The following NUP210 variants were observed in gnomAD, a reference collection of about 807,000 sequenced individuals.
NUP210 encodes nucleoporin 210.
A neutral mutation model predicts 196.0 loss-of-function variants in NUP210; 151 were observed. The observed-to-expected ratio is 0.77, with a 90% CI of 0.67 to 0.88. The LOEUF is 0.88. Among genes scored for constraint, NUP210 ranks in the 40% least tolerant of loss-of-function variants. The probability of loss-of-function intolerance (pLI) is 0.00; values close to 1 mark genes in which losing one functional copy is unlikely to be tolerated. For missense variants in NUP210, 2,314 were observed against 2,493.7 expected (o/e 0.93, Z 1.53); for synonymous variants, 1,070 against 1,052.7 (o/e 1.02, Z -0.32).
At chr3:13,339,214 G>A (rs1054560599) in intron 25 of NUP210, among the ~76,000 whole-genome samples, 2 of 152,220 alleles carry the variant, frequency 1.3e-5, no homozygotes, top group Non-Finnish European at 2.9e-5. Flanking sequence ...CTAGGGCGGT[G>A]CACTTGCCAG....
intron 1 of NUP210, among the ~76,000 whole-genome samples, chr3:13,417,914 T>TG (rs888527926): frequency 7.9e-5 from 12 of 152,078 alleles, no homozygotes; most frequent in Non-Finnish European, 1.6e-4. Flanking sequence ...AAAATGATGT[T>TG]GGGGGGGAAA....
At chr3:13,389,559 G>T (rs1410212176) in intron 4 of NUP210, among the ~76,000 whole-genome samples, 7 of 152,162 alleles carry the variant, frequency 4.6e-5, no homozygotes, top group Admixed American at 3.9e-4. Context: ...CATGGTCATT[G>T]TTTTACAAAA....
chr3:13,375,397 C>G, intron 11 of NUP210, 107 bp downstream of exon 11: 1 of 1,073,060 alleles, frequency 9.3e-7, no homozygotes. Context: ...ATTTAAAATT[C>G]TCCACAACCA....
At chr3:13,380,253 G>C (rs948034968) in intron 6 of NUP210, among the ~76,000 whole-genome samples, 1 of 152,200 alleles carries the variant, frequency 6.6e-6, no homozygotes, top group Non-Finnish European at 1.5e-5. Flanking sequence ...GGATGGAGAA[G>C]AGTTTCCCCG....
intron 1 of NUP210, among the ~76,000 whole-genome samples, chr3:13,418,903 C>T (rs1275921236): frequency 7.3e-6 from 1 of 137,910 alleles, no homozygotes; most frequent in East Asian, 2.2e-4. Flanking sequence ...GAGCCGAAAT[C>T]GCACCACTGC....
At chr3:13,322,472 C>T (rs868600759) in intron 34 of NUP210, 133 bp from the exon 35 acceptor site, 6 of 943,132 alleles carry the variant, frequency 6.4e-6, no homozygotes, top group Admixed American at 2.5e-5. Flanking sequence ...GGCCCCAGGG[C>T]GGCTCAAAGC....
chr3:13,319,772 G>A lies in NUP210; in HGVS notation c.5374C>T (p.Pro1792Ser), dbSNP rs1486634974. 1 of 1,614,006 alleles carries A rather than the reference G, an allele frequency of 6.2e-7. No individual in the cohort carries two copies. Among genetic ancestry groups the A allele is most frequent in the Non-Finnish European group, 8.5e-7 (1 of 1,179,888 alleles). The change falls in exon 37 of 40, where the codon CCC becomes TCC. Residue 1792 changes from proline (P) to serine (S), a missense_variant. By Grantham distance (74) the Pro-to-Ser change is moderately conservative. Coordinates refer to ENST00000254508, the MANE Select transcript of NUP210 (RefSeq NM_024923.4). ...TCGTTCCGTGACTCACAAGGACCGG[G>A]CCCACGGCGATCCACCACAAAAGCC... Reference protein sequence around the residue: ...TVAFVVDRRGPGPYGASLFQH... With the variant: ...TVAFVVDRRGSGPYGASLFQH...
intron 4 of NUP210, among the ~76,000 whole-genome samples, chr3:13,390,282 T>C (rs1388531146): frequency 6.6e-6 from 1 of 152,172 alleles, no homozygotes; most frequent in Non-Finnish European, 1.5e-5. Flanking sequence ...TGGACTAAAC[T>C]GGCAGATTTT....
chr3:13,340,190 T>C lies in NUP210; in HGVS notation c.3291+46A>G. The C allele has an allele frequency of 1.9e-6, 3 of 1,610,436 alleles. No individual in the cohort carries two copies. The highest frequency in any genetic ancestry group is 2.5e-6 in the Non-Finnish European group (3 of 1,177,726). On this transcript the variant is annotated intron_variant, in intron 24 of 39. Coordinates refer to ENST00000254508, the MANE Select transcript of NUP210 (RefSeq NM_024923.4). The surrounding 1 kb of genome is among the most constrained non-coding windows in gnomAD (Gnocchi z 4.0). ...AGGCGGCGTGCCTGGAACCAGGTGG[T>C]GGCCTGCACTGGGGCTGGAGCAGGA... is the stretch of plus-strand genomic sequence containing the variant.
rs1406684881 is a variant in NUP210 at position 13,376,220 on chromosome 3, G to A, written c.1293+71C>T. On this transcript the variant is annotated intron_variant, in intron 10 of 39. Coordinates refer to ENST00000254508, the MANE Select transcript of NUP210 (RefSeq NM_024923.4). ...ACTCCCTGGGACTCATGGCCCTCCT[G>A]GGCTGACATTTCTGCCTACAGAGGG... is the stretch of plus-strand genomic sequence containing the variant. 30 of 1,555,422 alleles carry A rather than the reference G, an allele frequency of 1.9e-5. 1 individual carries two copies. In the East Asian group the frequency reaches 5.8e-4, roughly 30 times the overall value.
intron 4 of NUP210, among the ~76,000 whole-genome samples, chr3:13,389,149 T>C (rs1277255338): frequency 6.6e-6 from 1 of 152,216 alleles, no homozygotes; most frequent in Non-Finnish European, 1.5e-5. Context: ...CACTGTGATT[T>C]ATTTCCTCGC....
At chr3:13,336,648 G>T (rs988394670) in intron 27 of NUP210, 139 bp downstream of exon 27, 1 of 881,434 alleles carries the variant, frequency 1.1e-6, no homozygotes, top group Non-Finnish European at 1.7e-6. Flanking sequence ...CTCGGGAGAG[G>T]GAAGAAAGTG....
At chr3:13,375,384 G>A (rs1698865772) in intron 11 of NUP210, 120 bp downstream of exon 11, 3 of 962,616 alleles carry the variant, frequency 3.1e-6, no homozygotes, top group Non-Finnish European at 4.5e-6. Flanking sequence ...CATAAAGACT[G>A]TGATTTAAAA....
chr3:13,420,194 C>T lies in NUP210; in HGVS notation c.33G>A (p.Leu11=). The T allele has an allele frequency of 5.8e-6, 7 of 1,208,686 alleles. No individual in the cohort carries two copies. Among genetic ancestry groups the T allele is most frequent in the Non-Finnish European group, 7.3e-6 (7 of 959,034 alleles). 74.9% of individuals were successfully genotyped at this position (1,208,686 alleles called of 1,614,324 possible). A position where few individuals can be genotyped will look rare whatever the true frequency, so the allele number is the denominator to read the frequency against. ...CCGCCGCCAACAGCACCGACAGCGT[C>T]AGCAGCAGCAGCCCCCGGCCCCGCG... MAARGRGLLL[L]TLSVLLAAGP... is the part of the protein sequence containing the mutation. The change falls in exon 1 of 40, where the codon CTG becomes CTA. Residue 11 remains leucine (L), a synonymous_variant. Transcript: ENST00000254508. This position sits in a 1 kb window ranked among gnomAD's most constrained non-coding sequence, Gnocchi z 4.8.
chr3:13,332,391 GA>G lies in NUP210; in HGVS notation c.3844-8del. ...GCTGCAGCTTCTCAAACACCTGCAA[GA>G]GAGGGCAAGTTTCACTTCCGATGGG... On this transcript the variant is annotated splice_region_variant and splice_polypyrimidine_tract_variant and intron_variant, in intron 28 of 39. Coordinates refer to ENST00000254508, the MANE Select transcript of NUP210 (RefSeq NM_024923.4). The G allele has an allele frequency of 6.2e-7, 1 of 1,610,120 alleles. No homozygotes were observed. Among genetic ancestry groups the G allele is most frequent in the Non-Finnish European group, 8.5e-7 (1 of 1,177,374 alleles).
chr3:13,373,381 TGA>T (rs1698794866), intron 12 of NUP210, among the ~76,000 whole-genome samples: 1 of 152,220 alleles, frequency 6.6e-6, no homozygotes, highest in Non-Finnish European at 1.5e-5. Context: ...CCTTTCACTG[TGA>T]GTTTACAACC....
rs1180186277 is a variant in NUP210, at chr3:13,373,966, ACTCACACTCATACACATTTATC to A, written c.1432-115_1432-94del. 18 of 1,349,020 alleles carry A rather than the reference ACTCACACTCATACACATTTATC, an allele frequency of 1.3e-5. No homozygotes were observed. In the African/African-American group the frequency reaches 2.6e-4, roughly 19 times the overall value. The allele number at this position is 1,349,020 out of a possible 1,614,324, so 83.6% of individuals were successfully genotyped here. A position where few individuals can be genotyped will look rare whatever the true frequency, so the allele number is the denominator to read the frequency against. On this transcript the variant is annotated intron_variant, in intron 11 of 39. Coordinates refer to ENST00000254508, the MANE Select transcript of NUP210 (RefSeq NM_024923.4). ...GAGACACGTGCGTGTGCATGCACGT[ACTCACACTCATACACATTTATC>A]CTCACACTCATGGGTTCACCCATGC...
intron 27 of NUP210, among the ~76,000 whole-genome samples, chr3:13,336,341 C>T (rs139778201): frequency 2.2e-4 from 34 of 152,304 alleles, no homozygotes; most frequent in African/African-American, 8.2e-4. Context: ...AGTCCCTTCC[C>T]GTTTCTGGCC....
chr3:13,343,342 G>GGGGGGGGGGC, intron 20 of NUP210, 39 bp from the exon 21 acceptor site: 3 of 655,992 alleles, frequency 4.6e-6, no homozygotes, highest in Non-Finnish European at 5.0e-6. Flanking sequence ...TGGGTGGTGG[G>GGGGGGGGGGC]TTACGCAGCT....
Sources: allele counts gnomAD v4.1 joint callset (sites outside exome capture counted in the v4.1 genomes callset), GRCh38; gene constraint gnomAD v4.1.1; non-coding constraint Gnocchi (gnomAD v3.1); transcripts MANE v1.5; gene names NCBI Gene and HGNC (gene_info 2026-07-23, HGNC 2026-07-21).